The following TESPA1 variants were observed in gnomAD, a reference collection of about 807,000 sequenced individuals.
TESPA1 encodes protein TESPA1.
A neutral mutation model predicts 57.9 loss-of-function variants in TESPA1; 33 were observed. The observed-to-expected ratio is 0.57, with a 90% CI of 0.43 to 0.76. The LOEUF (loss-of-function observed/expected upper bound fraction) is 0.76, where lower values mean the gene tolerates loss of function less well. Among genes scored for constraint, TESPA1 ranks in the 30% least tolerant of loss-of-function variants. TESPA1 has a pLI of 0.00. For synonymous variants in TESPA1, 227 were observed against 228.9 expected (o/e 0.99, Z 0.07); for missense variants, 618 against 632.9 (o/e 0.98, Z 0.25).
intron 10 of TESPA1, among the ~76,000 whole-genome samples, chr12:54,955,457 A>G (rs544299228): frequency 6.6e-6 from 1 of 152,322 alleles, no homozygotes; most frequent in African/African-American, 2.4e-5. Flanking sequence ...TCTTAAAAAT[A>G]TGAGGTTTAT....
chr12:54,951,347 T>C (rs1330079613), intron 10 of TESPA1, among the ~76,000 whole-genome samples: 1 of 152,220 alleles, frequency 6.6e-6, no homozygotes, highest in Non-Finnish European at 1.5e-5. Flanking sequence ...TCCCTAGCCA[T>C]GCCTCCTGCA....
Position 54,949,882 on chromosome 12 carries a change from A to G in TESPA1, c.*510T>C, listed in dbSNP as rs1015879484. On this transcript the variant is annotated 3_prime_UTR_variant, in exon 11 of 11. Coordinates refer to ENST00000449076, the MANE Select transcript of TESPA1 (RefSeq NM_001136030.3). Reference sequence around the variant, plus strand: ...GAATTTAGTTAGGAATACAGGGATGAACAGAGGTGCAGAGGGAATCCTAGT... The same window carrying G: ...GAATTTAGTTAGGAATACAGGGATGGACAGAGGTGCAGAGGGAATCCTAGT... 1 of 155,936 alleles carries G rather than the reference A, an allele frequency of 6.4e-6. No individual in the cohort carries two copies. The highest frequency in any genetic ancestry group is 2.4e-5 in the African/African-American group (1 of 41,498). The allele number at this position is 155,936 out of a possible 1,614,324, so 9.7% of individuals were successfully genotyped here. A position where few individuals can be genotyped will look rare whatever the true frequency, so the allele number is the denominator to read the frequency against.
chr12:54,967,256 G>A lies in TESPA1; in HGVS notation c.257-20C>T. 1 of 1,611,054 alleles carries A rather than the reference G, an allele frequency of 6.2e-7. No individual in the cohort carries two copies. Among genetic ancestry groups the A allele is most frequent in the Non-Finnish European group, 8.5e-7 (1 of 1,178,986 alleles). ...AGAAGCCTGTCCAATAATCAGGTGA[G>A]GGTCACAGAAAACCAGGATGGAACA... On this transcript the variant is annotated intron_variant, in intron 4 of 10. Transcript: ENST00000449076.
chr12:54,973,035 G>C (rs1951933291), intron 3 of TESPA1, among the ~76,000 whole-genome samples: 2 of 152,178 alleles, frequency 1.3e-5, no homozygotes, highest in South Asian at 4.1e-4. Context: ...TTGAATGACT[G>C]TCATAAACCC....
chr12:54,952,069 A>G (rs536391430), intron 10 of TESPA1, among the ~76,000 whole-genome samples: 214 of 152,264 alleles, frequency 1.4e-3, no homozygotes, highest in African/African-American at 4.7e-3. Context: ...GTGAGGTCTT[A>G]GGGAAAAAAT....
At chr12:54,963,612 A>G (rs1951226681) in intron 8 of TESPA1, 130 bp downstream of exon 8, 1 of 1,025,720 alleles carries the variant, frequency 9.7e-7, no homozygotes, top group South Asian at 1.7e-5. Flanking sequence ...AGACAACATA[A>G]GAGGAAATAG....
At chr12:54,985,079 T>A (rs1952439176), upstream of TESPA1, among the ~76,000 whole-genome samples, 2 of 152,126 alleles carry the variant, frequency 1.3e-5, no homozygotes, top group African/African-American at 4.8e-5. Flanking sequence ...ATGGGAAAGC[T>A]CTCTCTCATA....
At chr12:54,954,986 T>G (rs894577292) in intron 10 of TESPA1, among the ~76,000 whole-genome samples, 5 of 152,226 alleles carry the variant, frequency 3.3e-5, no homozygotes, top group Non-Finnish European at 7.3e-5. Context: ...GTAGTTCCAC[T>G]TTTTATTTTT....
intron 1 of TESPA1, among the ~76,000 whole-genome samples, chr12:54,977,978 G>C (rs1305889175): frequency 6.6e-6 from 1 of 152,124 alleles, no homozygotes; most frequent in African/African-American, 2.4e-5. Flanking sequence ...GGTAATAGGA[G>C]GAAGCTGTAC....
chr12:54,980,608 T>A (rs541901083), intron 1 of TESPA1, among the ~76,000 whole-genome samples: 1 of 152,230 alleles, frequency 6.6e-6, no homozygotes, highest in African/African-American at 2.4e-5. Context: ...AGAGCTGGGA[T>A]AGCTGGGCTG....
At chr12:54,966,644 A>C (rs184502375) in intron 5 of TESPA1, among the ~76,000 whole-genome samples, 1 of 152,120 alleles carries the variant, frequency 6.6e-6, no homozygotes, top group African/African-American at 2.4e-5. Context: ...CCTTAACCCT[A>C]TGAACTTCTG....
rs781414570 is a variant in TESPA1 at position 54,950,351 on chromosome 12, A to G, written c.*41T>C. Reference sequence around the variant, plus strand: ...GCTTTTAGTTTCTTCTTTGAAGCCAATTCTGTCAGACCACATGCTGTTGTG... The same window carrying G: ...GCTTTTAGTTTCTTCTTTGAAGCCAGTTCTGTCAGACCACATGCTGTTGTG... On this transcript the variant is annotated 3_prime_UTR_variant, in exon 11 of 11. Transcript: ENST00000449076. 6 of 456,746 alleles carry G rather than the reference A, an allele frequency of 1.3e-5. No individual in the cohort carries two copies. Among genetic ancestry groups the G allele is most frequent in the Admixed American group, 2.3e-5 (1 of 42,558 alleles). 28.3% of individuals were successfully genotyped at this position (456,746 alleles called of 1,614,324 possible).
At chr12:54,975,172 T>C (rs1247682090) in intron 1 of TESPA1, among the ~76,000 whole-genome samples, 1 of 152,084 alleles carries the variant, frequency 6.6e-6, no homozygotes, top group East Asian at 1.9e-4. Flanking sequence ...TATGTTCCTG[T>C]TTTATATATT....
chr12:54,962,028 A>G (rs1473627254), intron 9 of TESPA1, among the ~76,000 whole-genome samples: 1 of 152,226 alleles, frequency 6.6e-6, no homozygotes, highest in Non-Finnish European at 1.5e-5. Context: ...AGAATCCTAG[A>G]TTGAAATCTG....
rs575884767 is a variant in TESPA1 at position 54,948,965 on chromosome 12, T to G, written c.*1427A>C. The G allele has an allele frequency of 6.6e-6, 1 of 152,256 alleles. No individual in the cohort carries two copies. The highest frequency in any genetic ancestry group is 6.5e-5 in the Admixed American group (1 of 15,294). 9.4% of individuals were successfully genotyped at this position (152,256 alleles called of 1,614,324 possible). A position where few individuals can be genotyped will look rare whatever the true frequency, so the allele number is the denominator to read the frequency against. On this transcript the variant is annotated 3_prime_UTR_variant, in exon 11 of 11. Coordinates refer to ENST00000449076, the MANE Select transcript of TESPA1 (RefSeq NM_001136030.3). ...AAATCTTCTTCCAGCCTCTTCCCAG[T>G]TTTACAACTCAGGAATATCTTTCTC...
At chr12:54,973,640 C>T (rs531577123) in intron 2 of TESPA1, 121 bp from the exon 3 acceptor site, 1 of 1,548,494 alleles carries the variant, frequency 6.5e-7, no homozygotes, top group Non-Finnish European at 8.7e-7. Flanking sequence ...TTTTTTTCTA[C>T]ATAAAGCTTT....
rs918310490 is a variant in TESPA1 at position 54,948,992 on chromosome 12, A to G, written c.*1400T>C. The G allele has an allele frequency of 2.0e-5, 3 of 152,168 alleles. No homozygotes were observed. The highest frequency in any genetic ancestry group is 7.2e-5 in the African/African-American group (3 of 41,424). 9.4% of individuals were successfully genotyped at this position (152,168 alleles called of 1,614,324 possible). Reference sequence around the variant, plus strand: ...TTACAACTCAGGAATATCTTTCTCTAGGACCTGAGAACCACCTCTTTGAAA... The same window carrying G: ...TTACAACTCAGGAATATCTTTCTCTGGGACCTGAGAACCACCTCTTTGAAA... On this transcript the variant is annotated 3_prime_UTR_variant, in exon 11 of 11. Transcript: ENST00000449076.
chr12:54,978,774 C>T (rs1357186607), intron 1 of TESPA1, among the ~76,000 whole-genome samples: 1 of 152,202 alleles, frequency 6.6e-6, no homozygotes, highest in East Asian at 1.9e-4. Context: ...TCTTTCTACC[C>T]TTTAAGGGCC....
chr12:54,981,588 T>G (rs79284633), intron 1 of TESPA1, among the ~76,000 whole-genome samples: 1 of 151,300 alleles, frequency 6.6e-6, no homozygotes, highest in Non-Finnish European at 1.5e-5. Flanking sequence ...AAAAAAAAAG[T>G]CTTTCTTTCT....
Sources: gnomAD v4.1 joint callset for allele counts (sites outside exome capture counted in the v4.1 genomes callset) on GRCh38, gnomAD v4.1.1 for gene constraint, MANE v1.5 for transcripts, NCBI Gene and HGNC (gene_info 2026-07-23, HGNC 2026-07-21) for gene names.